The following KCNMA1 variants were observed in gnomAD, a reference collection of about 807,000 sequenced individuals.
KCNMA1 encodes potassium calcium-activated channel subfamily M alpha 1, also known as Calcium-activated potassium channel subunit alpha-1.
In KCNMA1, 29 loss-of-function variants were observed where a neutral mutation model predicts 140.0. The ratio of observed to expected loss-of-function variants is 0.21; its 90% confidence interval spans 0.15 to 0.28. The LOEUF (loss-of-function observed/expected upper bound fraction) is 0.28. Ranked by LOEUF, KCNMA1 falls within the 10% of genes least tolerant of loss-of-function variation. The probability of loss-of-function intolerance (pLI) is 1.00; values close to 1 mark genes in which losing one functional copy is unlikely to be tolerated. For synonymous variants in KCNMA1, 612 were observed against 611.9 expected (o/e 1.00, Z 0.00); for missense variants, 880 against 1,602.2 (o/e 0.55, Z 7.70).
chr10:77,110,483 C>A, intron 7 of KCNMA1, 140 bp from the exon 8 acceptor site: 1 of 786,352 alleles, frequency 1.3e-6, no homozygotes. Flanking sequence ...GGTTCCCGGG[C>A]TGAGTTCTGT....
At chr10:77,387,469 G>A (rs1314723190) in intron 2 of KCNMA1, among the ~76,000 whole-genome samples, 1 of 152,110 alleles carries the variant, frequency 6.6e-6, no homozygotes, top group Non-Finnish European at 1.5e-5. Context: ...AATAACACTA[G>A]TACTACCACC....
chr10:77,109,475 G>A (rs370182951), intron 8 of KCNMA1, among the ~76,000 whole-genome samples: 2 of 152,176 alleles, frequency 1.3e-5, no homozygotes, highest in Admixed American at 6.5e-5. Flanking sequence ...CGTGTGGCCA[G>A]AAATCCCCTC....
chr10:77,306,457 A>T (rs1273929877), intron 2 of KCNMA1, among the ~76,000 whole-genome samples: 1 of 152,222 alleles, frequency 6.6e-6, no homozygotes, highest in African/African-American at 2.4e-5. Flanking sequence ...AGGGATCCAC[A>T]TGGGTAGAGC....
intron 18 of KCNMA1, 141 bp downstream of exon 18, chr10:77,011,826 C>A (rs2153453677): frequency 2.6e-6 from 2 of 767,106 alleles, no homozygotes; most frequent in South Asian, 3.2e-5. Context: ...TTTCATATTT[C>A]TTTAAACTGC....
chr10:76,975,575 C>T (rs1047262677), intron 19 of KCNMA1, among the ~76,000 whole-genome samples: 30 of 152,158 alleles, frequency 2.0e-4, no homozygotes, highest in African/African-American at 6.8e-4. Context: ...TGTCCATCGA[C>T]GAGGCTGAGC....
chr10:77,507,159 G>T (rs552714305), intron 1 of KCNMA1, among the ~76,000 whole-genome samples: 45 of 152,324 alleles, frequency 3.0e-4, no homozygotes, highest in African/African-American at 1.1e-3. Context: ...CAAATGCTTT[G>T]CAGCCTCTGA....
chr10:77,235,822 A>T (rs2055238125), intron 3 of KCNMA1, among the ~76,000 whole-genome samples: 1 of 152,070 alleles, frequency 6.6e-6, no homozygotes. Context: ...CCCTTCACTG[A>T]CTATTTTTGT....
chr10:77,498,439 T>C (rs1204615744), intron 1 of KCNMA1: 1 of 152,232 alleles, frequency 6.6e-6, no homozygotes, highest in African/African-American at 2.4e-5. Flanking sequence ...CAAGCACAGT[T>C]TGTACCTGGC....
intron 5 of KCNMA1, among the ~76,000 whole-genome samples, chr10:77,141,801 T>C (rs1311744627): frequency 6.6e-6 from 1 of 152,188 alleles, no homozygotes; most frequent in Non-Finnish European, 1.5e-5. Flanking sequence ...CATAATTTAA[T>C]CCCCACCTAT....
intron 5 of KCNMA1, among the ~76,000 whole-genome samples, chr10:77,149,074 G>A (rs1055355121): frequency 1.3e-5 from 2 of 152,166 alleles, no homozygotes; most frequent in Non-Finnish European, 2.9e-5. Context: ...TGAGGTCAAG[G>A]TCTCTGTCCA....
chr10:77,554,075 G>T (rs2063534292), intron 1 of KCNMA1, among the ~76,000 whole-genome samples: 2 of 152,108 alleles, frequency 1.3e-5, no homozygotes, highest in African/African-American at 2.4e-5. Context: ...AGCCCACAGG[G>T]TTCCTCACTG....
intron 1 of KCNMA1, among the ~76,000 whole-genome samples, chr10:77,456,547 C>T (rs370522532): frequency 1.3e-5 from 2 of 152,160 alleles, no homozygotes; most frequent in African/African-American, 2.4e-5. Context: ...GCCATATCCC[C>T]GGCAGTTAGC....
At position 77,027,918 on chromosome 10, in the gene KCNMA1, A is replaced by G. The variant is rs201120206; in HGVS notation, c.1860-27T>C. ...TGCAATGAGATGGAGAAGCCTCCCAATCAGTTCTTCTGAATGACCAGAGCC... is the reference window on the plus strand; with the variant it reads ...TGCAATGAGATGGAGAAGCCTCCCAGTCAGTTCTTCTGAATGACCAGAGCC... On this transcript the variant is annotated intron_variant, in intron 15 of 27. Coordinates refer to ENST00000286628, the MANE Select transcript of KCNMA1 (RefSeq NM_001161352.2). The G allele has an allele frequency of 1.8e-5, 28 of 1,598,952 alleles. No individual in the cohort carries two copies. The East Asian group carries it at 4.9e-4, about 28-fold the overall frequency.
chr10:77,367,623 T>C (rs2094444231), intron 2 of KCNMA1, among the ~76,000 whole-genome samples: 1 of 152,222 alleles, frequency 6.6e-6, no homozygotes, highest in African/African-American at 2.4e-5. Context: ...TGTTAGTATA[T>C]GTGTCAATTT....
intron 1 of KCNMA1, among the ~76,000 whole-genome samples, chr10:77,547,291 A>C (rs934642834): frequency 1.2e-4 from 19 of 152,196 alleles, no homozygotes; most frequent in African/African-American, 3.6e-4. Flanking sequence ...GCCTCCCCAC[A>C]GGGCTGCAAT....
chr10:77,444,477 A>G (rs981437398), intron 1 of KCNMA1, among the ~76,000 whole-genome samples: 1 of 152,170 alleles, frequency 6.6e-6, no homozygotes, highest in African/African-American at 2.4e-5. Context: ...GCAACTAATG[A>G]CTTTGATTGA....
intron 3 of KCNMA1, among the ~76,000 whole-genome samples, chr10:77,192,976 A>G (rs1212682496): frequency 6.6e-6 from 1 of 152,086 alleles, no homozygotes; most frequent in Non-Finnish European, 1.5e-5. Context: ...ATTAGCCAAG[A>G]TTTCTTGACA....
rs376079262 is a variant in KCNMA1 at position 77,296,918 on chromosome 10, G to GA, written c.541-45663_541-45662insT. Among the ~76,000 whole-genome samples the GA allele has an allele frequency of 6.9e-3, 995 of 144,636 alleles. 23 individuals are homozygous for GA. The highest frequency in any genetic ancestry group is 0.03 in the East Asian group (148 of 5,012). 94.9% of individuals were successfully genotyped at this position (144,636 alleles called of 152,430 possible). A position where few individuals can be genotyped will look rare whatever the true frequency, so the allele number is the denominator to read the frequency against. ...GAATGCCTGGGTGTGTGGGCGGGGG[G>GA]GCGGTGGGGGAATGTAGAGAAGAAC... On this transcript the variant is annotated intron_variant, in intron 2 of 27. Coordinates refer to ENST00000286628, the MANE Select transcript of KCNMA1 (RefSeq NM_001161352.2).
At chr10:76,974,536 T>C (rs966366566) in intron 19 of KCNMA1, 21 of 1,550,010 alleles carry the variant, frequency 1.4e-5, no homozygotes, top group Middle Eastern at 1.7e-4. Context: ...TGAACTCAAA[T>C]GGATCTTTGG....
Sources: gnomAD v4.1 joint callset for allele counts (sites outside exome capture counted in the v4.1 genomes callset) on GRCh38, gnomAD v4.1.1 for gene constraint, MANE v1.5 for transcripts, NCBI Gene and HGNC (gene_info 2026-07-23, HGNC 2026-07-21) for gene names.